The following WWOX variants were observed in gnomAD, a reference collection of about 807,000 sequenced individuals.
The protein encoded by WWOX is WW domain containing oxidoreductase, also known as WW domain-containing oxidoreductase.
In WWOX, 69 loss-of-function variants were observed where a neutral mutation model predicts 46.2. The ratio of observed to expected loss-of-function variants is 1.49; its 90% confidence interval spans 1.23 to 1.82. WWOX has a LOEUF of 1.82. Ranked by LOEUF, WWOX falls within the 40% of genes most tolerant of loss-of-function variation. The probability of loss-of-function intolerance (pLI) is 0.00; values close to 1 mark genes in which losing one functional copy is unlikely to be tolerated. For synonymous variants in WWOX, 359 were observed against 202.6 expected (o/e 1.77, Z -6.56); for missense variants, 919 against 542.6 (o/e 1.69, Z -6.89).
intron 8 of WWOX, among the ~76,000 whole-genome samples, chr16:78,952,049 G>C (rs1016547534): frequency 2.6e-5 from 4 of 152,134 alleles, no homozygotes; most frequent in South Asian, 2.1e-4. Context: ...GTAGGGTAAA[G>C]ACAGACCCCT....
intron 8 of WWOX, among the ~76,000 whole-genome samples, chr16:78,801,863 T>A (rs2050899789): frequency 6.6e-6 from 1 of 152,228 alleles, no homozygotes; most frequent in Non-Finnish European, 1.5e-5. Flanking sequence ...TATAGATTGT[T>A]GAGTCCGATT....
At chr16:78,316,994 A>G (rs1313937105) in intron 5 of WWOX, among the ~76,000 whole-genome samples, 1 of 152,206 alleles carries the variant, frequency 6.6e-6, no homozygotes, top group Non-Finnish European at 1.5e-5. Flanking sequence ...AAGTGCAAAG[A>G]TGAAGGAAAG....
At chr16:78,772,582 T>C (rs1004344902) in intron 8 of WWOX, among the ~76,000 whole-genome samples, 6 of 152,210 alleles carry the variant, frequency 3.9e-5, no homozygotes, top group African/African-American at 1.4e-4. Flanking sequence ...ACAAATACTT[T>C]GGAAGAGATT....
intron 5 of WWOX, among the ~76,000 whole-genome samples, chr16:78,236,377 T>A (rs1295719592): frequency 6.6e-6 from 1 of 152,162 alleles, no homozygotes; most frequent in African/African-American, 2.4e-5. Context: ...GAATAGGTGT[T>A]TTTGTGATGA....
At chr16:78,888,433 T>G (rs1000087787) in intron 8 of WWOX, among the ~76,000 whole-genome samples, 1 of 152,206 alleles carries the variant, frequency 6.6e-6, no homozygotes, top group Middle Eastern at 3.2e-3. Context: ...TGTAGTTGTC[T>G]AGGGATTTAG....
intron 8 of WWOX, among the ~76,000 whole-genome samples, chr16:78,604,464 C>A (rs748595516): frequency 6.6e-6 from 1 of 152,118 alleles, no homozygotes; most frequent in Non-Finnish European, 1.5e-5. Context: ...GAATTGTCAT[C>A]TGTTAAATCC....
chr16:78,735,932 G>A (rs565601517), intron 8 of WWOX, among the ~76,000 whole-genome samples: 78 of 152,034 alleles, frequency 5.1e-4, no homozygotes, highest in Non-Finnish European at 4.3e-4. Flanking sequence ...TCTCACCTCC[G>A]AATAGGTGGG....
At chr16:79,163,477 A>C (rs924607997) in intron 8 of WWOX, among the ~76,000 whole-genome samples, 14 of 152,316 alleles carry the variant, frequency 9.2e-5, no homozygotes, top group African/African-American at 3.4e-4. Flanking sequence ...CCTTGCACAC[A>C]GTCAGTAATC....
chr16:78,930,934 C>A (rs72806761), intron 8 of WWOX, among the ~76,000 whole-genome samples: 1 of 152,228 alleles, frequency 6.6e-6, no homozygotes, highest in Admixed American at 6.5e-5. Flanking sequence ...GGTCCTATCA[C>A]TAACTAGTAC....
At chr16:78,312,448 G>A (rs985632165) in intron 5 of WWOX, among the ~76,000 whole-genome samples, 1 of 147,288 alleles carries the variant, frequency 6.8e-6, no homozygotes, top group African/African-American at 2.5e-5. Flanking sequence ...CATGATTTCT[G>A]CTCACTGCAA....
rs1397618778 is a variant in WWOX at position 78,434,046 on chromosome 16, C to T, written c.1056+1294C>T. Among the ~76,000 whole-genome samples the T allele has an allele frequency of 3.9e-5, 6 of 152,204 alleles. No individual in the cohort carries two copies. In the East Asian group the frequency reaches 7.7e-4, roughly 20 times the overall value. ...CCTCGTGATCCGCCCGCCTCGGCCT[C>T]CCAAAGTGCTGGGATTACAGGCGTG... On this transcript the variant is annotated intron_variant, in intron 8 of 8. Transcript: ENST00000566780.
chr16:78,815,161 C>G (rs1480154176), intron 8 of WWOX, among the ~76,000 whole-genome samples: 1 of 152,032 alleles, frequency 6.6e-6, no homozygotes. Context: ...CCCATCTCTA[C>G]TAAAAATACA....
chr16:78,774,025 C>T (rs1158340881), intron 8 of WWOX, among the ~76,000 whole-genome samples: 1 of 152,172 alleles, frequency 6.6e-6, no homozygotes, highest in African/African-American at 2.4e-5. Flanking sequence ...ATGTTGGTGT[C>T]CACACATCAA....
At chr16:78,379,777 GTAA>G (rs1227797207) in intron 5 of WWOX, among the ~76,000 whole-genome samples, 1 of 152,152 alleles carries the variant, frequency 6.6e-6, no homozygotes, top group Non-Finnish European at 1.5e-5. Context: ...TGATTGTAAA[GTAA>G]TAATTTGTGG....
intron 5 of WWOX, among the ~76,000 whole-genome samples, chr16:78,345,293 A>G (rs75395305): frequency 0.11 from 12,514 of 112,084 alleles, 3,756 homozygotes; most frequent in African/African-American, 0.33. Flanking sequence ...TAATGGCAAA[A>G]GTCACAATTA....
Position 78,407,703 on chromosome 16 carries a change from C to G in WWOX, c.606-17167C>G, listed in dbSNP as rs2082580849. 3.9e-5 allele frequency among the ~76,000 whole-genome samples: 6 copies of G among 152,298 alleles called. No homozygotes were observed. In the South Asian group the frequency reaches 8.3e-4, roughly 21 times the overall value. ...AACTAGAACCACATCAACTTCTTCC[C>G]TCCAGCTTCAGTGATATATTGTGAA... On this transcript the variant is annotated intron_variant, in intron 6 of 8. Coordinates refer to ENST00000566780, the MANE Select transcript of WWOX (RefSeq NM_016373.4).
At chr16:78,535,322 A>T (rs1357999562) in intron 8 of WWOX, 1 of 152,206 alleles carries the variant, frequency 6.6e-6, no homozygotes, top group East Asian at 1.9e-4. Context: ...TGAGTCCGGG[A>T]GATGGATGAT....
chr16:78,484,762 G>T (rs1355169906), intron 8 of WWOX, among the ~76,000 whole-genome samples: 1 of 152,146 alleles, frequency 6.6e-6, no homozygotes, highest in Admixed American at 6.5e-5. Flanking sequence ...AATTGTGTCA[G>T]CCTGAAAGAA....
At chr16:78,427,701 C>A (rs76224825) in intron 7 of WWOX, among the ~76,000 whole-genome samples, 19,567 of 151,980 alleles carry the variant, frequency 0.13, 1,582 homozygotes, top group South Asian at 0.2. Flanking sequence ...TGGCTTGAGC[C>A]CAGGAGTTTG....
Sources: gnomAD v4.1 joint callset for allele counts (sites outside exome capture counted in the v4.1 genomes callset) on GRCh38, gnomAD v4.1.1 for gene constraint, MANE v1.5 for transcripts, NCBI Gene and HGNC (gene_info 2026-07-23, HGNC 2026-07-21) for gene names.